NFIX: variants seen among roughly 807,000 people sequenced by gnomAD.
NFIX encodes nuclear factor 1 X-type.
A neutral mutation model predicts 53.3 loss-of-function variants in NFIX; 2 were observed. The observed-to-expected ratio is 0.04, with a 90% CI of 0.02 to 0.12. The LOEUF (loss-of-function observed/expected upper bound fraction) is 0.12, where lower values mean the gene tolerates loss of function less well. Ranked by LOEUF, NFIX falls within the 10% of genes least tolerant of loss-of-function variation. The pLI is 1.00. For missense variants in NFIX, 310 were observed against 674.5 expected (o/e 0.46, Z 5.99); for synonymous variants, 244 against 289.0 (o/e 0.84, Z 1.58).
rs866929228 is a variant in NFIX at position 13,006,046 on chromosome 19, G to C, written c.27+10182G>C. ...CCAGGCTCTGTTTTAGGCCCCGGGG[G>C]CTCGGCAGGGAGCAAAATCTGCAAA... On this transcript the variant is annotated intron_variant, in intron 1 of 10. Coordinates refer to ENST00000592199, the MANE Select transcript of NFIX (RefSeq NM_001365902.3). The surrounding 1 kb of genome is among the most constrained non-coding windows in gnomAD (Gnocchi z 5.6). 6.6e-6 allele frequency among the ~76,000 whole-genome samples: 1 copy of C among 152,224 alleles called. No individual in the cohort carries two copies.
chr19:13,053,388 C>A (rs1347980934), intron 2 of NFIX, among the ~76,000 whole-genome samples: 1 of 152,104 alleles, frequency 6.6e-6, no homozygotes, highest in Non-Finnish European at 1.5e-5. Flanking sequence ...TTAAGTTTCC[C>A]AAACTTTTCC....
intron 8 of NFIX, among the ~76,000 whole-genome samples, chr19:13,084,809 C>T (rs914929603): frequency 6.6e-6 from 1 of 152,072 alleles, no homozygotes; most frequent in Non-Finnish European, 1.5e-5. Flanking sequence ...GTGGCTTATA[C>T]CTGTAATCCC....
In NFIX at chr19:13,090,346, G is replaced by A. The variant is rs759364037; in HGVS notation, c.1450G>A (p.Gly484Arg). 11 of 1,613,820 alleles carry A rather than the reference G, an allele frequency of 6.8e-6. No homozygotes were observed. The highest frequency in any genetic ancestry group is 4.0e-5 in the African/African-American group (3 of 74,916). The change falls in exon 10 of 11, where the codon GGA becomes AGA. Residue 484 changes from glycine (G) to arginine (R), a missense_variant. Around this residue, in one of 5 missense-constraint regions of NFIX, gnomAD observed 44 missense variants for 73.4 expected, o/e 0.60. Coordinates refer to ENST00000592199, the MANE Select transcript of NFIX (RefSeq NM_001365902.3). This position sits in a 1 kb window ranked among gnomAD's most constrained non-coding sequence, Gnocchi z 6.6. ...CTCTGCCAACCGGTTTGTCAGCATC[G>A]GACCCCGGGACGGCAACTTTCTGAA... Reference protein sequence around the residue: ...ASSANRFVSIGPRDGNFLNIP... With the variant: ...ASSANRFVSIRPRDGNFLNIP...
At position 13,006,036 on chromosome 19, in the gene NFIX, G is replaced by A. The variant is rs954993853; in HGVS notation, c.27+10172G>A. Among the ~76,000 whole-genome samples the A allele has an allele frequency of 6.6e-6, 1 of 152,220 alleles. No homozygotes were observed. Among genetic ancestry groups the A allele is most frequent in the African/African-American group, 2.4e-5 (1 of 41,456 alleles). On this transcript the variant is annotated intron_variant, in intron 1 of 10. Transcript: ENST00000592199. The surrounding 1 kb of genome is among the most constrained non-coding windows in gnomAD (Gnocchi z 5.6). ...CTCCTGGGTGCCAGGCTCTGTTTTA[G>A]GCCCCGGGGGCTCGGCAGGGAGCAA...
intron 1 of NFIX, among the ~76,000 whole-genome samples, chr19:13,007,581 C>T (rs575136705): frequency 1.3e-5 from 2 of 152,290 alleles, no homozygotes; most frequent in African/African-American, 4.8e-5. Context: ...CCCTAAGTTC[C>T]CCCCAAGGTT....
intron 1 of NFIX, among the ~76,000 whole-genome samples, chr19:13,020,884 C>T (rs1474894781): frequency 6.6e-6 from 1 of 152,144 alleles, no homozygotes; most frequent in African/African-American, 2.4e-5. Context: ...GCCCCCACCT[C>T]TATCCCTGAC....
intron 1 of NFIX, among the ~76,000 whole-genome samples, chr19:13,007,733 CCT>C (rs1465594053): frequency 6.6e-6 from 1 of 151,964 alleles, no homozygotes; most frequent in African/African-American, 2.4e-5. Flanking sequence ...GCTGCCCGCG[CCT>C]CTCTCGGCAC....
Position 13,073,285 on chromosome 19 carries a change from G to A in NFIX, c.623-137G>A, listed in dbSNP as rs539965413. 309 of 928,216 alleles carry A rather than the reference G, an allele frequency of 3.3e-4. 3 individuals carry two copies. In the South Asian group the frequency reaches 3.8e-3, roughly 12 times the overall value. The allele number at this position is 928,216 out of a possible 1,614,324, so 57.5% of individuals were successfully genotyped here. ...CACACCTAGAGGATCCCCCCTGTTC[G>A]GTGTAGACCTGAGGGCTAGCCTGGA... On this transcript the variant is annotated intron_variant, in intron 3 of 10. Coordinates refer to ENST00000592199, the MANE Select transcript of NFIX (RefSeq NM_001365902.3). The surrounding 1 kb of genome is among the most constrained non-coding windows in gnomAD (Gnocchi z 4.5).
Position 13,009,327 on chromosome 19 carries a change from C to T in NFIX, c.27+13463C>T, listed in dbSNP as rs540290648. ...GGGCAGCGGGTGGGTGGGGGGAAGG[C>T]GGGCATATGTGACCTCCTGTGACCC... is the stretch of plus-strand genomic sequence containing the variant. On this transcript the variant is annotated intron_variant, in intron 1 of 10. Transcript: ENST00000592199. This position sits in a 1 kb window ranked among gnomAD's most constrained non-coding sequence, Gnocchi z 4.7. Among the ~76,000 whole-genome samples the T allele has an allele frequency of 1.1e-4, 16 of 152,192 alleles. No individual in the cohort carries two copies. The East Asian group carries it at 2.9e-3, about 28-fold the overall frequency.
Position 13,019,736 on chromosome 19 carries a change from T to G in NFIX, c.28-5285T>G, listed in dbSNP as rs867280318. Among the ~76,000 whole-genome samples the G allele has an allele frequency of 2.4e-3, 360 of 150,350 alleles. 1 individual carries two copies. The highest frequency in any genetic ancestry group is 0.014 in the East Asian group (73 of 5,144). On this transcript the variant is annotated intron_variant, in intron 1 of 10. Transcript: ENST00000592199. Reference sequence around the variant, plus strand: ...GGTTTTTTTTTTGTTTGTTTGTTTTTTTTTTTTTTTTACCAAATAGTACTC... The same window carrying G: ...GGTTTTTTTTTTGTTTGTTTGTTTTGTTTTTTTTTTTACCAAATAGTACTC...
rs1341044355 is a variant in NFIX, at chr19:13,081,006, A to G, written c.1079-674A>G. 1.4e-5 allele frequency among the ~76,000 whole-genome samples: 2 copies of G among 140,256 alleles called. No homozygotes were observed. The highest frequency in any genetic ancestry group is 5.4e-5 in the African/African-American group (2 of 37,226). 92.0% of individuals were successfully genotyped at this position (140,256 alleles called of 152,430 possible). A position where few individuals can be genotyped will look rare whatever the true frequency, so the allele number is the denominator to read the frequency against. On this transcript the variant is annotated intron_variant, in intron 7 of 10. Transcript: ENST00000592199. This position sits in a 1 kb window ranked among gnomAD's most constrained non-coding sequence, Gnocchi z 4.7. ...GAGAGCGAGACTCAGTCTCAAAAAA[A>G]AAAATTCTTTAGGCTGGGCACAGTG...
intron 2 of NFIX, among the ~76,000 whole-genome samples, chr19:13,057,762 A>C (rs1270007922): frequency 1.3e-5 from 2 of 151,960 alleles, no homozygotes; most frequent in Admixed American, 1.3e-4. Flanking sequence ...GGCAGGGGGC[A>C]CTTCTTTGTC....
intron 2 of NFIX, among the ~76,000 whole-genome samples, chr19:13,046,474 C>A (rs369049330): frequency 3.1e-4 from 47 of 151,914 alleles, no homozygotes; most frequent in African/African-American, 1.0e-3. Context: ...TTCCCCCCCC[C>A]TCTTTTTTTT....
chr19:13,088,115 G>T lies in NFIX; in HGVS notation c.1381G>T (p.Ala461Ser). Residue 461 changes from alanine (A) to serine (S), a missense_variant, in exon 9 of 11, where the codon GCC (alanine) becomes TCC (serine). Ala to Ser is a moderately conservative substitution (Grantham distance 99). Coordinates refer to ENST00000592199, the MANE Select transcript of NFIX (RefSeq NM_001365902.3). This position sits in a 1 kb window ranked among gnomAD's most constrained non-coding sequence, Gnocchi z 5.9. Reference protein sequence around the residue: ...KSTSTAPDGAALTPPSPSFAT... With the variant: ...KSTSTAPDGASLTPPSPSFAT... The stretch of plus-strand genomic sequence containing the variant: ...CACCAGCACTGCCCCAGACGGCGCC[G>T]CCTTGACTCCTCCATCACCTTGTAA... 6.5e-7 allele frequency: 1 copy of T among 1,536,552 alleles called. No homozygotes were observed. The highest frequency in any genetic ancestry group is 8.7e-7 in the Non-Finnish European group (1 of 1,146,984).
rs1199566618 is a variant in NFIX, at chr19:13,090,966, C to G, written c.1494+576C>G. ...CATGCTGGAGACCTCATCCTTGCTC[C>G]TATCCCCTGCTGACACCACCCTTAG... On this transcript the variant is annotated intron_variant, in intron 10 of 10. Coordinates refer to ENST00000592199, the MANE Select transcript of NFIX (RefSeq NM_001365902.3). This position sits in a 1 kb window ranked among gnomAD's most constrained non-coding sequence, Gnocchi z 6.6. Among the ~76,000 whole-genome samples, 1 of 152,180 alleles carries G rather than the reference C, an allele frequency of 6.6e-6. No individual in the cohort carries two copies. The highest frequency in any genetic ancestry group is 2.4e-5 in the African/African-American group (1 of 41,438).
At position 13,006,510 on chromosome 19, in the gene NFIX, C is replaced by T. The variant is rs566193736; in HGVS notation, c.27+10646C>T. On this transcript the variant is annotated intron_variant, in intron 1 of 10. Transcript: ENST00000592199. This position sits in a 1 kb window ranked among gnomAD's most constrained non-coding sequence, Gnocchi z 5.6. ...TGGGGCTTGATGGGCACTGGGTATT[C>T]GCAACCCTGCTGCTCTGAGCTGGGG... Among the ~76,000 whole-genome samples the T allele has an allele frequency of 2.2e-4, 33 of 152,328 alleles. No individual in the cohort carries two copies. The highest frequency in any genetic ancestry group is 7.0e-4 in the African/African-American group (29 of 41,566).
At position 13,027,240 on chromosome 19, in the gene NFIX, T is replaced by C. The variant is rs538182514; in HGVS notation, c.559+1688T>C. On this transcript the variant is annotated intron_variant, in intron 2 of 10. Transcript: ENST00000592199. This position sits in a 1 kb window ranked among gnomAD's most constrained non-coding sequence, Gnocchi z 4.3. ...GCCTGCATCCGGCCCTGTGTGACCA[T>C]CGTGACCCGTCATGCAGAAGGGCCA... 1.1e-3 allele frequency among the ~76,000 whole-genome samples: 168 copies of C among 152,298 alleles called. 1 individual carries two copies. The highest frequency in any genetic ancestry group is 0.01 in the South Asian group (49 of 4,820).
rs748466972 is a variant in NFIX, at chr19:13,078,608, C to G, written c.956-5C>G. 3.7e-5 allele frequency: 59 copies of G among 1,598,508 alleles called. No homozygotes were observed. In the South Asian group the frequency reaches 4.7e-4, roughly 13 times the overall value. On this transcript the variant is annotated splice_region_variant and splice_polypyrimidine_tract_variant and intron_variant, in intron 6 of 10. Coordinates refer to ENST00000592199, the MANE Select transcript of NFIX (RefSeq NM_001365902.3). The surrounding 1 kb of genome is among the most constrained non-coding windows in gnomAD (Gnocchi z 4.7). ...CTGCCCTGTGTTGCTGCTTCCTCCC[C>G]CCAGGCCCGGCTTCTCTAAAGAAGT...
Position 13,088,016 on chromosome 19 carries a change from C to T in NFIX, c.1282C>T (p.Pro428Ser), listed in dbSNP as rs1413836251. ...QPNGSGQGKV[P>S]GSFLLPPPPP... ...CAACGGTAGCGGCCAGGGCAAAGTCCCGGGGTCATTTTTGCTACCGCCGCC... is the reference window on the plus strand; with the variant it reads ...CAACGGTAGCGGCCAGGGCAAAGTCTCGGGGTCATTTTTGCTACCGCCGCC... Residue 428 changes from proline (P) to serine (S), a missense_variant, in exon 9 of 11, where the codon CCG becomes TCG. Transcript: ENST00000592199. The surrounding 1 kb of genome is among the most constrained non-coding windows in gnomAD (Gnocchi z 5.9). The T allele has an allele frequency of 6.5e-7, 1 of 1,536,084 alleles. No homozygotes were observed. Among genetic ancestry groups the T allele is most frequent in the Non-Finnish European group, 8.7e-7 (1 of 1,146,898 alleles).
Sources: gnomAD v4.1 joint callset for allele counts (sites outside exome capture counted in the v4.1 genomes callset) on GRCh38, gnomAD v4.1.1 for gene constraint, gnomAD v4.1.1 regional missense constraint, Gnocchi (gnomAD v3.1) non-coding constraint, MANE v1.5 for transcripts, NCBI Gene and HGNC (gene_info 2026-07-23, HGNC 2026-07-21) for gene names.